The following ALG9 variants were observed in gnomAD, a reference collection of about 807,000 sequenced individuals.
The protein encoded by ALG9 is alpha-1,2-mannosyltransferase ALG9.
In ALG9, 55 loss-of-function variants were observed where a neutral mutation model predicts 81.8. That is an observed-to-expected ratio of 0.67 (90% confidence interval 0.54 to 0.84). The LOEUF is 0.84. Ranked by LOEUF, ALG9 falls within the 40% of genes least tolerant of loss-of-function variation. The probability of loss-of-function intolerance (pLI) is 0.00; values close to 1 mark genes in which losing one functional copy is unlikely to be tolerated. For missense variants in ALG9, 629 were observed against 745.0 expected (o/e 0.84, Z 1.81); for synonymous variants, 278 against 274.3 (o/e 1.01, Z -0.13).
rs1555158930 is a variant in ALG9 at position 111,871,417 on chromosome 11, C to A, written c.66G>T (p.Pro22=). The A allele has an allele frequency of 2.0e-6, 3 of 1,535,858 alleles. No individual in the cohort carries two copies. The East Asian group carries it at 7.3e-5, about 38-fold the overall frequency. Residue 22 remains proline (P), a synonymous_variant, in exon 1 of 15, where the codon CCG becomes CCT. Transcript: ENST00000616540. ...GCAGCTCCCGCAGCTTGTCCGCAGC[C>A]GGGGCCGTATCCCCACTGCTGGCCC... ...GSGASSGDTA[P]AADKLRELLG... is the part of the protein sequence containing the mutation.
rs560378490 is a variant in ALG9, at chr11:111,825,140, G to T, written c.1602+11025C>A. ...CTACAAACAACCTTGAAAAATGGTA[G>T]TGCTTGAGTCCTAATTGGTCCAAAT... On this transcript the variant is annotated intron_variant, in intron 13 of 14. Coordinates refer to ENST00000616540, the MANE Select transcript of ALG9 (RefSeq NM_024740.2). 8.5e-5 allele frequency among the ~76,000 whole-genome samples: 13 copies of T among 152,280 alleles called. No individual in the cohort carries two copies. In the South Asian group the frequency reaches 2.7e-3, roughly 32 times the overall value.
Position 111,837,558 on chromosome 11 carries a change from G to A in ALG9, c.1382C>T (p.Thr461Ile), listed in dbSNP as rs782060734. The A allele has an allele frequency of 3.7e-6, 6 of 1,614,044 alleles. No homozygotes were observed. In the Admixed American group the frequency reaches 1.0e-4, roughly 27 times the overall value. The part of the protein sequence containing the change: ...PEFYRIATDP[T>I]IHTVPEGRPV... ...TCTGCCTTCTGGGACAGTGTGGATGGTTGGGTCTGTAGCAATTCGGTAAAA... is the reference window on the plus strand; with the variant it reads ...TCTGCCTTCTGGGACAGTGTGGATGATTGGGTCTGTAGCAATTCGGTAAAA... The change falls in exon 12 of 15, where the codon ACC becomes ATC. Residue 461 changes from threonine (T) to isoleucine (I), a missense_variant. Coordinates refer to ENST00000616540, the MANE Select transcript of ALG9 (RefSeq NM_024740.2).
In ALG9 at chr11:111,786,388, GGT is replaced by G; in HGVS notation, c.*7_*8del. On this transcript the variant is annotated 3_prime_UTR_variant, in exon 15 of 15. Transcript: ENST00000616540. ...AAGATGGTTGTCCTTTGGGGCCACA[GGT>G]GTGTTGCTAACCTCCACTTTTCTTC... is the stretch of plus-strand genomic sequence containing the variant. The G allele has an allele frequency of 6.2e-7, 1 of 1,613,924 alleles. No individual in the cohort carries two copies. Among genetic ancestry groups the G allele is most frequent in the Non-Finnish European group, 8.5e-7 (1 of 1,179,894 alleles).
At chr11:111,870,395 A>C (rs1963949150) in intron 1 of ALG9, 25 bp from the exon 2 acceptor site, 2 of 1,521,000 alleles carry the variant, frequency 1.3e-6, no homozygotes, top group African/African-American at 2.8e-5. Flanking sequence ...AAAAAAAAAA[A>C]AAAAAAAAAG....
chr11:111,774,898 C>A, the ALG9 span, among the ~76,000 whole-genome samples: 3 of 152,076 alleles, frequency 2.0e-5, no homozygotes, highest in East Asian at 3.9e-4. Flanking sequence ...AGGGTAGAGT[C>A]CAGATTTCTT....
At chr11:111,816,534 G>C (rs1436679545) in intron 13 of ALG9, among the ~76,000 whole-genome samples, 5 of 152,090 alleles carry the variant, frequency 3.3e-5, no homozygotes, top group African/African-American at 7.2e-5. Flanking sequence ...ACAGGCATGA[G>C]CCACCATGTC....
intron 9 of ALG9, among the ~76,000 whole-genome samples, chr11:111,844,128 C>T (rs1384171362): frequency 2.0e-5 from 3 of 152,078 alleles, no homozygotes; most frequent in East Asian, 1.9e-4. Context: ...CCTCAGCCTC[C>T]CTAGTAAGTG....
the ALG9 span, among the ~76,000 whole-genome samples, chr11:111,774,222 T>C: frequency 7.3e-3 from 1,112 of 151,624 alleles, 8 homozygotes; most frequent in Middle Eastern, 0.055. Context: ...ACTAAAAATA[T>C]GAAATTAGCC....
chr11:111,868,606 T>G lies in ALG9; in HGVS notation c.401A>C (p.Asn134Thr). 1 of 1,613,946 alleles carries G rather than the reference T, an allele frequency of 6.2e-7. No individual in the cohort carries two copies. The highest frequency in any genetic ancestry group is 8.5e-7 in the Non-Finnish European group (1 of 1,179,840). ...TCCAGGTTGGTCTGCCCTTACCTTA[T>G]TAGTTTGTAGAATTCTTGCATGAAA... ...AAFHARILQT[N>T]KILVFYFLRC... Residue 134 changes from asparagine to threonine, a missense_variant, in exon 3 of 15, where the codon AAT becomes ACT. Physicochemically the swap from Asn to Thr is moderately conservative, Grantham distance 65. This residue lies in a region of ALG9 where 344 missense variants were observed against 390.5 expected (regional missense o/e 0.88). Transcript: ENST00000616540.
chr11:111,796,181 C>T (rs1015557700), intron 14 of ALG9, among the ~76,000 whole-genome samples: 1 of 152,158 alleles, frequency 6.6e-6, no homozygotes, highest in Non-Finnish European at 1.5e-5. Context: ...AAACCTTATA[C>T]CATCTTTTTT....
At chr11:111,862,256 T>G (rs540002970) in intron 4 of ALG9, among the ~76,000 whole-genome samples, 2 of 150,612 alleles carry the variant, frequency 1.3e-5, no homozygotes, top group Admixed American at 1.3e-4. Flanking sequence ...TTTTTTTTTT[T>G]AGAGAGAGTC....
chr11:111,810,910 AGTCAAGGCTGCTTGCT>A (rs782774768), intron 13 of ALG9, among the ~76,000 whole-genome samples: 3 of 152,238 alleles, frequency 2.0e-5, no homozygotes, highest in Admixed American at 6.5e-5. Context: ...ATCCAGAATA[AGTCAAGGCTGCTTGCT>A]GTCACTACTC....
At chr11:111,772,370 T>C in the ALG9 span, among the ~76,000 whole-genome samples, 1 of 152,136 alleles carries the variant, frequency 6.6e-6, no homozygotes. Flanking sequence ...AGGCTGCAGT[T>C]AGCCATGATT....
intron 1 of ALG9, chr11:111,870,949 T>C (rs1592465547): frequency 9.9e-7 from 1 of 1,012,120 alleles, no homozygotes; most frequent in Non-Finnish European, 1.2e-6. Context: ...ACCTGCAGCC[T>C]CCAGGGTTTG....
At chr11:111,804,748 C>T (rs1027001381) in intron 14 of ALG9, among the ~76,000 whole-genome samples, 1 of 152,196 alleles carries the variant, frequency 6.6e-6, no homozygotes, top group Non-Finnish European at 1.5e-5. Flanking sequence ...ATTAAAACAA[C>T]GATGAAATAC....
chr11:111,852,940 C>T (rs1165085230), intron 8 of ALG9, among the ~76,000 whole-genome samples: 1 of 109,284 alleles, frequency 9.2e-6, no homozygotes, highest in Non-Finnish European at 1.8e-5. Flanking sequence ...CTAACTCCAC[C>T]TCAAAAAAAA....
In ALG9 at chr11:111,786,214, G is replaced by T; in HGVS notation, c.*183C>A. The T allele has an allele frequency of 1.1e-6, 1 of 926,112 alleles. No homozygotes were observed. The highest frequency in any genetic ancestry group is 2.7e-5 in the East Asian group (1 of 36,480). 57.4% of individuals were successfully genotyped at this position (926,112 alleles called of 1,614,324 possible). A position where few individuals can be genotyped will look rare whatever the true frequency, so the allele number is the denominator to read the frequency against. On this transcript the variant is annotated 3_prime_UTR_variant, in exon 15 of 15. Coordinates refer to ENST00000616540, the MANE Select transcript of ALG9 (RefSeq NM_024740.2). Reference sequence around the variant, plus strand: ...TACATGCAGAACAGAGACACACACAGGGAGCAAATGTGACTTTGATTAGAC... The same window carrying T: ...TACATGCAGAACAGAGACACACACATGGAGCAAATGTGACTTTGATTAGAC...
rs1291196999 is a variant in ALG9 at position 111,865,279 on chromosome 11, GA to G, written c.406-29del. On this transcript the variant is annotated intron_variant, in intron 3 of 14. Coordinates refer to ENST00000616540, the MANE Select transcript of ALG9 (RefSeq NM_024740.2). ...AAAAGAAACCCAGAAAAAGAAAACA[GA>G]AGTCACAGATATGAGCTAGAAAAAC... The G allele has an allele frequency of 2.0e-6, 3 of 1,525,970 alleles. No individual in the cohort carries two copies. In the African/African-American group the frequency reaches 4.2e-5, roughly 21 times the overall value. The allele number at this position is 1,525,970 out of a possible 1,614,324, so 94.5% of individuals were successfully genotyped here.
At chr11:111,861,405 T>C (rs1456151115) in intron 4 of ALG9, among the ~76,000 whole-genome samples, 2 of 152,230 alleles carry the variant, frequency 1.3e-5, no homozygotes, top group African/African-American at 2.4e-5. Context: ...GTTATTTCAA[T>C]AAGAATCTGT....
Sources: gnomAD v4.1 joint callset for allele counts (sites outside exome capture counted in the v4.1 genomes callset) on GRCh38, gnomAD v4.1.1 for gene constraint, gnomAD v4.1.1 regional missense constraint, MANE v1.5 for transcripts, NCBI Gene and HGNC (gene_info 2026-07-23, HGNC 2026-07-21) for gene names.